Variants in RANBP17 observed in about 807,000 individuals in gnomAD.
RANBP17 encodes the protein ran-binding protein 17.
A neutral mutation model predicts 141.2 loss-of-function variants in RANBP17; 158 were observed. That is an observed-to-expected ratio of 1.12 (90% CI 0.98 to 1.28). The LOEUF is 1.28. Among genes scored for constraint, RANBP17 ranks in the 50% most tolerant of loss-of-function variants. RANBP17 has a pLI of 0.00. For synonymous variants in RANBP17, 430 were observed against 450.0 expected (o/e 0.96, Z 0.56); for missense variants, 1,438 against 1,290.7 (o/e 1.11, Z -1.75).
chr5:171,062,372 C>T (rs1360977012), intron 14 of RANBP17, among the ~76,000 whole-genome samples: 3 of 152,180 alleles, frequency 2.0e-5, no homozygotes, highest in Admixed American at 2.0e-4. Context: ...CAAAATCTCT[C>T]AGCATTTGCT....
At chr5:171,065,305 T>G (rs1581543294) in intron 14 of RANBP17, among the ~76,000 whole-genome samples, 1 of 150,148 alleles carries the variant, frequency 6.7e-6, no homozygotes, top group African/African-American at 2.5e-5. Context: ...AATGGGGGGG[T>G]GGGGTGAAGG....
intron 13 of RANBP17, among the ~76,000 whole-genome samples, chr5:170,955,744 A>G (rs1384328050): frequency 6.9e-6 from 1 of 144,742 alleles, no homozygotes; most frequent in African/African-American, 2.5e-5. Context: ...ACATAAAGAT[A>G]TAATTAAAAA....
chr5:171,110,186 C>T (rs1264165565), intron 14 of RANBP17, among the ~76,000 whole-genome samples: 1 of 151,880 alleles, frequency 6.6e-6, no homozygotes, highest in Non-Finnish European at 1.5e-5. Flanking sequence ...CTTCCTGGCT[C>T]TGTGGCTCTG....
chr5:171,253,466 C>T (rs2128006423), intron 24 of RANBP17, among the ~76,000 whole-genome samples: 1 of 152,276 alleles, frequency 6.6e-6, no homozygotes, highest in South Asian at 2.1e-4. Flanking sequence ...GGGCCCAACA[C>T]TTGCAGTTGC....
intron 14 of RANBP17, among the ~76,000 whole-genome samples, chr5:171,148,548 G>A (rs1404954020): frequency 6.6e-6 from 1 of 151,974 alleles, no homozygotes; most frequent in Non-Finnish European, 1.5e-5. Flanking sequence ...TGTAAATAGT[G>A]TATAGTTTAA....
intron 22 of RANBP17, among the ~76,000 whole-genome samples, chr5:171,239,875 T>G (rs1764758968): frequency 6.6e-6 from 1 of 152,178 alleles, no homozygotes; most frequent in Non-Finnish European, 1.5e-5. Context: ...TTCTACCTGT[T>G]ACTCTTACCA....
At chr5:171,025,652 T>C (rs1385907282) in intron 14 of RANBP17, among the ~76,000 whole-genome samples, 1 of 151,760 alleles carries the variant, frequency 6.6e-6, no homozygotes, top group Non-Finnish European at 1.5e-5. Context: ...CGTAGCTCAC[T>C]GCAGCCCTGA....
At position 170,892,412 on chromosome 5, in the gene RANBP17, A is replaced by C; in HGVS notation, c.282A>C (p.Ala94=). 6.2e-7 allele frequency: 1 copy of C among 1,611,518 alleles called. No homozygotes were observed. Among genetic ancestry groups the C allele is most frequent in the Non-Finnish European group, 8.5e-7 (1 of 1,179,198 alleles). Residue 94 remains alanine, a synonymous_variant, in exon 4 of 28, where the codon GCA becomes GCC. Coordinates refer to ENST00000523189, the MANE Select transcript of RANBP17 (RefSeq NM_022897.5). ...DIRNYILNYV[A]SQPKLAPFVI... ...GAAACTACATTCTGAATTACGTGGC[A>C]TCACAGCCCAAGCTGGCTCCCTTTG...
At chr5:170,991,699 A>T (rs925791550) in intron 14 of RANBP17, among the ~76,000 whole-genome samples, 1 of 152,022 alleles carries the variant, frequency 6.6e-6, no homozygotes, top group East Asian at 1.9e-4. Flanking sequence ...AACAGAAGTG[A>T]TACCTTTTAC....
chr5:171,281,300 A>G (rs1433167127), intron 25 of RANBP17, among the ~76,000 whole-genome samples: 2 of 152,242 alleles, frequency 1.3e-5, no homozygotes, highest in Non-Finnish European at 2.9e-5. Context: ...GAAATCTCTT[A>G]GGCACCAAGG....
chr5:171,109,240 G>A (rs1284478568), intron 14 of RANBP17, among the ~76,000 whole-genome samples: 2 of 152,082 alleles, frequency 1.3e-5, no homozygotes, highest in East Asian at 3.9e-4. Context: ...TAGGAAATTT[G>A]CCTTTTTTAT....
intron 14 of RANBP17, among the ~76,000 whole-genome samples, chr5:171,017,187 G>A (rs888669404): frequency 2.0e-5 from 3 of 152,088 alleles, no homozygotes; most frequent in Non-Finnish European, 4.4e-5. Context: ...CTATGTCTTT[G>A]CTATTGTAAA....
At chr5:171,200,000 CAT>C (rs1418348972) in intron 19 of RANBP17, among the ~76,000 whole-genome samples, 1 of 152,180 alleles carries the variant, frequency 6.6e-6, no homozygotes, top group African/African-American at 2.4e-5. Context: ...GATAAGATGA[CAT>C]AGATTTGTTT....
At chr5:171,130,807 T>TA (rs759912440) in intron 14 of RANBP17, among the ~76,000 whole-genome samples, 16 of 152,214 alleles carry the variant, frequency 1.1e-4, no homozygotes, top group Admixed American at 2.6e-4. Flanking sequence ...AATTGACTGT[T>TA]ATCTTTGTAT....
intron 5 of RANBP17, among the ~76,000 whole-genome samples, chr5:170,909,419 A>G (rs1173164583): frequency 6.6e-6 from 1 of 151,738 alleles, no homozygotes; most frequent in African/African-American, 2.4e-5. Context: ...TTAGGAGTTA[A>G]TAGTCTTAGT....
At chr5:171,188,729 T>C (rs555897770) in intron 18 of RANBP17, among the ~76,000 whole-genome samples, 57 of 152,200 alleles carry the variant, frequency 3.7e-4, no homozygotes, top group Non-Finnish European at 7.5e-4. Flanking sequence ...TCATCACAGA[T>C]AGGGAACCCA....
At chr5:171,035,242 T>A (rs1781796152) in intron 14 of RANBP17, among the ~76,000 whole-genome samples, 1 of 152,106 alleles carries the variant, frequency 6.6e-6, no homozygotes, top group Non-Finnish European at 1.5e-5. Context: ...AATGTAAGTG[T>A]TCTGAGAGAG....
intron 24 of RANBP17, among the ~76,000 whole-genome samples, chr5:171,253,701 T>G (rs1453243572): frequency 1.3e-5 from 2 of 152,232 alleles, no homozygotes; most frequent in East Asian, 3.8e-4. Flanking sequence ...CCCATGATTC[T>G]GTCAGTAAAT....
intron 21 of RANBP17, among the ~76,000 whole-genome samples, chr5:171,221,418 A>G (rs1307409761): frequency 6.6e-6 from 1 of 152,248 alleles, no homozygotes; most frequent in East Asian, 1.9e-4. Flanking sequence ...GTCTAAACTT[A>G]GACACCTGGG....
Sources: gnomAD v4.1 joint callset for allele counts (sites outside exome capture counted in the v4.1 genomes callset) on GRCh38, gnomAD v4.1.1 for gene constraint, MANE v1.5 for transcripts, NCBI Gene and HGNC (gene_info 2026-07-23, HGNC 2026-07-21) for gene names.